MRC1: variants seen among roughly 807,000 people sequenced by gnomAD.
The protein encoded by MRC1 is mannose receptor C-type 1.
Under a neutral mutation model 102.9 loss-of-function variants are expected in MRC1, and 62 were observed. The observed-to-expected ratio is 0.60, with a 90% CI of 0.49 to 0.74. The LOEUF (loss-of-function observed/expected upper bound fraction) is 0.74. Among genes scored for constraint, MRC1 ranks in the 30% least tolerant of loss-of-function variants. The pLI, the probability that MRC1 is intolerant of heterozygous loss-of-function variation, is 0.00. For synonymous variants in MRC1, 457 were observed against 298.4 expected (o/e 1.53, Z -5.48); for missense variants, 1,237 against 862.8 (o/e 1.43, Z -5.43).
rs1833822924 is a variant in MRC1, at chr10:17,901,068, G to A, written c.3649+115G>A. 31 of 691,476 alleles carry A rather than the reference G, an allele frequency of 4.5e-5. 1 individual carries two copies. The South Asian group carries it at 5.4e-4, about 12-fold the overall frequency. The allele number at this position is 691,476 out of a possible 1,614,324, so 42.8% of individuals were successfully genotyped here. On this transcript the variant is annotated intron_variant, in intron 25 of 29. Coordinates refer to ENST00000569591, the MANE Select transcript of MRC1 (RefSeq NM_002438.4). ...GTCTTGGATAGCTAAGAATAATATA[G>A]AACATACTCCCTCACCTATCAAAAG...
At position 17,837,750 on chromosome 10, in the gene MRC1, G is replaced by A. The variant is rs1225300108; in HGVS notation, c.803-2943G>A. On this transcript the variant is annotated intron_variant, in intron 4 of 29. Transcript: ENST00000569591. ...TGAGTAGCTGGGGCTACAGGCATGT[G>A]CCACCAAGCCTGGCTAATTTTTTGT... 2.0e-5 allele frequency among the ~76,000 whole-genome samples: 3 copies of A among 152,000 alleles called. No individual in the cohort carries two copies. In the South Asian group the frequency reaches 6.3e-4, roughly 32 times the overall value.
At chr10:17,905,398 T>C (rs1335081663) in intron 26 of MRC1, among the ~76,000 whole-genome samples, 3 of 152,334 alleles carry the variant, frequency 2.0e-5, no homozygotes, top group African/African-American at 7.2e-5. Context: ...AGTGTTCTCA[T>C]TGGTTTTATA....
intron 1 of MRC1, among the ~76,000 whole-genome samples, chr10:17,821,105 C>T (rs1589164321): frequency 6.6e-6 from 1 of 152,100 alleles, no homozygotes. Flanking sequence ...TGTCTGGATC[C>T]AGGCTTTACT....
At chr10:17,821,805 G>C (rs1015866750) in intron 1 of MRC1, among the ~76,000 whole-genome samples, 1 of 152,028 alleles carries the variant, frequency 6.6e-6, no homozygotes, top group Admixed American at 6.6e-5. Context: ...GTTTGATTTC[G>C]CTGGAATTAT....
chr10:17,909,248 T>G, intron 28 of MRC1, 58 bp from the exon 29 acceptor site: 3 of 793,362 alleles, frequency 3.8e-6, no homozygotes, highest in Non-Finnish European at 6.9e-6. Flanking sequence ...CAAATAATAT[T>G]TGCTATCTAC....
chr10:17,816,555 C>G (rs1838316169), intron 1 of MRC1, among the ~76,000 whole-genome samples: 2 of 152,134 alleles, frequency 1.3e-5, no homozygotes, highest in Non-Finnish European at 2.9e-5. Context: ...CGTTTTCTGA[C>G]CCATCTAATT....
intron 3 of MRC1, among the ~76,000 whole-genome samples, chr10:17,832,476 A>T (rs1589168534): frequency 6.7e-6 from 1 of 149,414 alleles, no homozygotes; most frequent in Non-Finnish European, 1.5e-5. Flanking sequence ...AATGGCGTGA[A>T]CCCGGGAGGC....
At chr10:17,821,857 A>T (rs1024642999) in intron 1 of MRC1, among the ~76,000 whole-genome samples, 10 of 152,236 alleles carry the variant, frequency 6.6e-5, no homozygotes, top group African/African-American at 2.2e-4. Context: ...AACCTCAAAC[A>T]TCTGCACTAC....
At chr10:17,859,607 T>C (rs1423242972) in intron 9 of MRC1, among the ~76,000 whole-genome samples, 4 of 152,144 alleles carry the variant, frequency 2.6e-5, no homozygotes, top group Non-Finnish European at 1.5e-5. Context: ...TGGGAGCCAC[T>C]GCGCCTGGCT....
At chr10:17,902,886 T>C (rs1833847214) in intron 26 of MRC1, among the ~76,000 whole-genome samples, 1 of 152,240 alleles carries the variant, frequency 6.6e-6, no homozygotes, top group Non-Finnish European at 1.5e-5. Flanking sequence ...TGTCAGTTTT[T>C]GATTCATGTA....
intron 1 of MRC1, among the ~76,000 whole-genome samples, chr10:17,813,555 T>A (rs1294702824): frequency 6.6e-6 from 1 of 151,402 alleles, no homozygotes; most frequent in Non-Finnish European, 1.5e-5. Flanking sequence ...CTTTTTAAAT[T>A]TGTTCTCCAT....
chr10:17,854,262 G>C (rs987531948), intron 8 of MRC1, among the ~76,000 whole-genome samples: 20 of 152,086 alleles, frequency 1.3e-4, no homozygotes, highest in Non-Finnish European at 2.4e-4. Flanking sequence ...CAGGATATGA[G>C]TATTAAATAA....
At chr10:17,865,896 C>T (rs1159589744) in intron 11 of MRC1, among the ~76,000 whole-genome samples, 1 of 152,202 alleles carries the variant, frequency 6.6e-6, no homozygotes, top group Non-Finnish European at 1.5e-5. Flanking sequence ...AAAAAAATTA[C>T]TTCATTGTAG....
chr10:17,891,301 G>C (rs1833671749), intron 22 of MRC1, among the ~76,000 whole-genome samples: 1 of 151,598 alleles, frequency 6.6e-6, no homozygotes, highest in African/African-American at 2.4e-5. Context: ...CGAGTAGCTG[G>C]GACTACAGGC....
intron 22 of MRC1, among the ~76,000 whole-genome samples, chr10:17,891,109 T>C (rs1833666421): frequency 6.6e-6 from 1 of 151,516 alleles, no homozygotes; most frequent in South Asian, 2.1e-4. Context: ...TGATTCTGCG[T>C]GATGGTGAGT....
intron 15 of MRC1, among the ~76,000 whole-genome samples, chr10:17,873,364 C>G (rs1463289583): frequency 6.6e-6 from 1 of 152,126 alleles, no homozygotes; most frequent in Non-Finnish European, 1.5e-5. Flanking sequence ...TGTTAAACAC[C>G]TATTACATAC....
chr10:17,870,553 A>T (rs1196344907), intron 13 of MRC1, among the ~76,000 whole-genome samples, 180 bp downstream of exon 13: 1 of 152,168 alleles, frequency 6.6e-6, no homozygotes, highest in Non-Finnish European at 1.5e-5. Flanking sequence ...TAATTTTATA[A>T]GTGTAAATTC....
intron 1 of MRC1, among the ~76,000 whole-genome samples, chr10:17,818,061 G>C (rs1285260909): frequency 6.6e-6 from 1 of 152,128 alleles, no homozygotes; most frequent in African/African-American, 2.4e-5. Context: ...AATGGCAAAA[G>C]ATAAATAAAG....
rs868976356 is a variant in MRC1 at position 17,812,865 on chromosome 10, C to G, written c.61+3339C>G. Among the ~76,000 whole-genome samples, 1,174 of 152,252 alleles carry G rather than the reference C, an allele frequency of 7.7e-3. 9 individuals carry two copies. The highest frequency in any genetic ancestry group is 0.027 in the African/African-American group (1,102 of 41,554). On this transcript the variant is annotated intron_variant, in intron 1 of 29. Coordinates refer to ENST00000569591, the MANE Select transcript of MRC1 (RefSeq NM_002438.4). ...ACATTACAGGCATGAGCCACCACAC[C>G]TGGCCAACAATAGGCTCTTGCTAGC...
Sources: allele counts gnomAD v4.1 joint callset (sites outside exome capture counted in the v4.1 genomes callset), GRCh38; gene constraint gnomAD v4.1.1; transcripts MANE v1.5; gene names NCBI Gene and HGNC (gene_info 2026-07-23, HGNC 2026-07-21).